Variants in CTNNA3 observed in about 807,000 individuals in gnomAD.
CTNNA3 encodes the protein catenin alpha-3.
A neutral mutation model predicts 95.7 loss-of-function variants in CTNNA3; 76 were observed. The ratio of observed to expected loss-of-function variants is 0.79; its 90% CI spans 0.66 to 0.96. The LOEUF (loss-of-function observed/expected upper bound fraction) is 0.96. Ranked by LOEUF, CTNNA3 falls within the 40% of genes least tolerant of loss-of-function variation. The probability of loss-of-function intolerance (pLI) is 0.00; values close to 1 mark genes in which losing one functional copy is unlikely to be tolerated. For missense variants in CTNNA3, 1,191 were observed against 1,089.8 expected (o/e 1.09, Z -1.31); for synonymous variants, 431 against 374.4 (o/e 1.15, Z -1.74).
chr10:67,235,319 T>C (rs1412545890), intron 5 of CTNNA3, among the ~76,000 whole-genome samples: 8 of 151,962 alleles, frequency 5.3e-5, no homozygotes, highest in African/African-American at 1.2e-4. Flanking sequence ...AACAGAGATA[T>C]AGATCAATGG....
At chr10:67,456,940 A>G (rs1847195902) in intron 5 of CTNNA3, among the ~76,000 whole-genome samples, 1 of 152,128 alleles carries the variant, frequency 6.6e-6, no homozygotes, top group South Asian at 2.1e-4. Flanking sequence ...CAAACAAACA[A>G]AAAAACATAT....
At chr10:67,738,943 GAAAAGAC>G (rs1295884802) in intron 1 of CTNNA3, among the ~76,000 whole-genome samples, 1 of 152,202 alleles carries the variant, frequency 6.6e-6, no homozygotes, top group Non-Finnish European at 1.5e-5. Flanking sequence ...GGGACTATGT[GAAAAGAC>G]CAAATCTATA....
intron 7 of CTNNA3, among the ~76,000 whole-genome samples, chr10:66,909,157 T>A (rs1421209905): frequency 7.2e-5 from 11 of 151,998 alleles, no homozygotes; most frequent in Admixed American, 7.2e-4. Flanking sequence ...CAGCTCCAAA[T>A]AAGGAATTGT....
intron 7 of CTNNA3, among the ~76,000 whole-genome samples, chr10:67,160,354 C>A (rs4746667): frequency 6.6e-6 from 1 of 151,208 alleles, no homozygotes; most frequent in Non-Finnish European, 1.5e-5. Flanking sequence ...TATGATCCAG[C>A]AATCCCGCAT....
At chr10:66,186,016 G>A (rs12416642) in intron 13 of CTNNA3, among the ~76,000 whole-genome samples, 11,357 of 151,644 alleles carry the variant, frequency 0.075, 536 homozygotes, top group Admixed American at 0.12. Flanking sequence ...TATGTTCAAT[G>A]GATACAAAGT....
intron 15 of CTNNA3, among the ~76,000 whole-genome samples, chr10:66,015,030 G>T (rs891089108): frequency 6.6e-6 from 1 of 150,518 alleles, no homozygotes; most frequent in Admixed American, 6.6e-5. Context: ...TTGAACCTGG[G>T]AGGCAGAGGT....
intron 9 of CTNNA3, among the ~76,000 whole-genome samples, chr10:66,757,159 A>G (rs1384133967): frequency 6.6e-6 from 1 of 152,132 alleles, no homozygotes; most frequent in Non-Finnish European, 1.5e-5. Flanking sequence ...TTATTTCAGC[A>G]CAGCCTCATG....
In CTNNA3 at chr10:66,644,274, CTGTCTG is replaced by C. The variant is rs1564589682; in HGVS notation, c.1282-22496_1282-22491del. Among the ~76,000 whole-genome samples the C allele has an allele frequency of 5.7e-4, 56 of 98,600 alleles. No individual in the cohort carries two copies. In the South Asian group the frequency reaches 0.02, roughly 35 times the overall value. 64.7% of individuals were successfully genotyped at this position (98,600 alleles called of 152,430 possible). A position where few individuals can be genotyped will look rare whatever the true frequency, so the allele number is the denominator to read the frequency against. Reference sequence around the variant, plus strand: ...AGACTTGGTCTCTCTGTCTGTCTGTCTGTCTGTCTGTCTGTCTGTCTCTCTCTCTCT... The same window carrying C: ...AGACTTGGTCTCTCTGTCTGTCTGTCTCTGTCTGTCTGTCTCTCTCTCTCT... On this transcript the variant is annotated intron_variant, in intron 9 of 17. Coordinates refer to ENST00000433211, the MANE Select transcript of CTNNA3 (RefSeq NM_013266.4).
intron 7 of CTNNA3, among the ~76,000 whole-genome samples, chr10:67,167,916 T>C (rs1245470439): frequency 1.3e-5 from 2 of 152,166 alleles, no homozygotes; most frequent in Admixed American, 1.3e-4. Flanking sequence ...GTAAATCACC[T>C]GAGGTCAGGA....
At chr10:66,275,807 G>T (rs1167124366) in intron 13 of CTNNA3, among the ~76,000 whole-genome samples, 1 of 151,976 alleles carries the variant, frequency 6.6e-6, no homozygotes, top group Non-Finnish European at 1.5e-5. Flanking sequence ...AAGAAAAGAT[G>T]TCTACAAGGC....
intron 2 of CTNNA3, among the ~76,000 whole-genome samples, chr10:67,610,252 T>A (rs1235986866): frequency 6.6e-6 from 1 of 152,220 alleles, no homozygotes; most frequent in Non-Finnish European, 1.5e-5. Flanking sequence ...GTTCCAGAAA[T>A]GCTTTGTTCC....
At chr10:67,602,192 T>TA (rs5785827) in intron 3 of CTNNA3, among the ~76,000 whole-genome samples, 143,734 of 147,064 alleles carry the variant, frequency 0.98, 70,270 homozygotes, top group Middle Eastern at 1. Context: ...CAAATACCTT[T>TA]AAAAAAAAAA....
chr10:67,336,849 T>C (rs1284942316), intron 5 of CTNNA3, among the ~76,000 whole-genome samples: 3 of 152,214 alleles, frequency 2.0e-5, no homozygotes, highest in African/African-American at 7.2e-5. Flanking sequence ...GTTTATGGCA[T>C]GGTATACTGA....
chr10:66,278,812 A>G (rs1174667962), intron 13 of CTNNA3, among the ~76,000 whole-genome samples: 1 of 152,184 alleles, frequency 6.6e-6, no homozygotes, highest in East Asian at 1.9e-4. Flanking sequence ...TGGCAAGACT[A>G]TATCCTGAAG....
At chr10:67,358,007 A>T (rs1842874294) in intron 5 of CTNNA3, among the ~76,000 whole-genome samples, 1 of 152,148 alleles carries the variant, frequency 6.6e-6, no homozygotes, top group Non-Finnish European at 1.5e-5. Context: ...ATTAATTTTC[A>T]ACAAAAGAGC....
At chr10:67,719,295 C>T (rs986212899) in intron 1 of CTNNA3, among the ~76,000 whole-genome samples, 30 of 145,018 alleles carry the variant, frequency 2.1e-4, no homozygotes, top group Non-Finnish European at 2.3e-4. Flanking sequence ...GTGTCTCTAT[C>T]TCCTTCAGTT....
chr10:65,930,077 T>G (rs2077226499), intron 17 of CTNNA3, among the ~76,000 whole-genome samples: 2 of 151,528 alleles, frequency 1.3e-5, no homozygotes, highest in African/African-American at 2.4e-5. Context: ...CACATGCATG[T>G]GCACACACCT....
At chr10:67,304,830 G>T (rs963940668) in intron 5 of CTNNA3, among the ~76,000 whole-genome samples, 2 of 152,004 alleles carry the variant, frequency 1.3e-5, no homozygotes, top group African/African-American at 4.8e-5. Flanking sequence ...ATGTACTCTA[G>T]ACTCTGTGAT....
At chr10:67,356,291 C>T (rs932160575) in intron 5 of CTNNA3, among the ~76,000 whole-genome samples, 1 of 152,062 alleles carries the variant, frequency 6.6e-6, no homozygotes, top group Admixed American at 6.6e-5. Context: ...CATATTCCAA[C>T]TATCACTGTC....
Sources: gnomAD v4.1 joint callset for allele counts (sites outside exome capture counted in the v4.1 genomes callset) on GRCh38, gnomAD v4.1.1 for gene constraint, MANE v1.5 for transcripts, NCBI Gene and HGNC (gene_info 2026-07-23, HGNC 2026-07-21) for gene names.